The following SHANK2 variants were observed in gnomAD, a reference collection of about 807,000 sequenced individuals.
SHANK2 encodes SH3 and multiple ankyrin repeat domains protein 2.
Under a neutral mutation model 133.7 loss-of-function variants are expected in SHANK2, and 43 were observed. The ratio of observed to expected loss-of-function variants is 0.32; its 90% CI spans 0.25 to 0.41. The LOEUF (loss-of-function observed/expected upper bound fraction) is 0.41. Among genes scored for constraint, SHANK2 ranks in the 10% least tolerant of loss-of-function variants. The pLI, the probability that SHANK2 is intolerant of heterozygous loss-of-function variation, is 1.00. For missense variants in SHANK2, 1,994 were observed against 2,235.8 expected (o/e 0.89, Z 2.18); for synonymous variants, 1,017 against 952.8 (o/e 1.07, Z -1.24).
chr11:70,660,284 A>G lies in SHANK2; in HGVS notation c.1937-332T>C, dbSNP rs76264916. Among the ~76,000 whole-genome samples, 52 of 152,322 alleles carry G rather than the reference A, an allele frequency of 3.4e-4. No homozygotes were observed. The East Asian group carries it at 5.2e-3, about 15-fold the overall frequency. On this transcript the variant is annotated intron_variant, in intron 16 of 25. Transcript: ENST00000601538. ...GTGACTAAACATTTTCGGTTCTAAA[A>G]ATGGAAAAGTTCCTCCCCTGCCACA...
intron 17 of SHANK2, among the ~76,000 whole-genome samples, chr11:70,576,216 G>T (rs1554984196): frequency 6.6e-6 from 1 of 152,156 alleles, no homozygotes; most frequent in Non-Finnish European, 1.5e-5. Flanking sequence ...GGAAAGGAGA[G>T]GCTGGGGGTA....
intron 12 of SHANK2, among the ~76,000 whole-genome samples, chr11:70,809,687 A>C (rs1206060221): frequency 6.6e-6 from 1 of 152,088 alleles, no homozygotes; most frequent in East Asian, 1.9e-4. Flanking sequence ...GGGCCTGAAT[A>C]CTCAGTCTGT....
At chr11:70,837,222 A>G (rs1555060272) in intron 11 of SHANK2, among the ~76,000 whole-genome samples, 1 of 152,150 alleles carries the variant, frequency 6.6e-6, no homozygotes, top group Non-Finnish European at 1.5e-5. Context: ...CTGCCCCCTT[A>G]CAGGCCACTG....
intron 3 of SHANK2, 69 bp downstream of exon 3, chr11:71,147,051 G>C: frequency 1.5e-6 from 2 of 1,323,718 alleles, no homozygotes; most frequent in Non-Finnish European, 2.1e-6. Flanking sequence ...GACCAGAGCA[G>C]GCCTCTGGCG....
At chr11:71,166,749 C>T (rs1393479529) in intron 2 of SHANK2, among the ~76,000 whole-genome samples, 2 of 151,448 alleles carry the variant, frequency 1.3e-5, no homozygotes, top group Non-Finnish European at 2.9e-5. Context: ...TCCCAAAGTG[C>T]TGGGATTACA....
chr11:70,502,890 C>T lies in SHANK2; in HGVS notation c.2103G>A (p.Val701=). The T allele has an allele frequency of 1.2e-6, 2 of 1,614,122 alleles. No homozygotes were observed. The highest frequency in any genetic ancestry group is 1.1e-5 in the South Asian group (1 of 91,078). ...TCCCTCCCTGCCGGATCATGTTCAC[C>T]ACCTGCCTGTGGCCGACTTTGACAA... ...ENVVKVGHRQ[V]VNMIRQGGNH... Residue 701 remains valine, a synonymous_variant, in exon 18 of 26, where the codon GTG becomes GTA. Coordinates refer to ENST00000601538, the MANE Select transcript of SHANK2 (RefSeq NM_012309.5).
chr11:71,115,836 T>C (rs1191957665), intron 4 of SHANK2, among the ~76,000 whole-genome samples: 1 of 152,214 alleles, frequency 6.6e-6, no homozygotes, highest in Admixed American at 6.5e-5. Context: ...CTCTTCCTGG[T>C]CCATCACCTC....
chr11:70,775,898 C>G (rs542331657), intron 14 of SHANK2, among the ~76,000 whole-genome samples: 3 of 152,226 alleles, frequency 2.0e-5, no homozygotes, highest in African/African-American at 7.2e-5. Context: ...TTCAGAGGAG[C>G]CAAAAACAAC....
intron 14 of SHANK2, among the ~76,000 whole-genome samples, chr11:70,738,515 C>G (rs1395039835): frequency 6.6e-6 from 1 of 152,228 alleles, no homozygotes; most frequent in Non-Finnish European, 1.5e-5. Flanking sequence ...AGTGCATTCC[C>G]AGGGCCCATT....
chr11:70,922,976 C>T (rs552346292), intron 10 of SHANK2, among the ~76,000 whole-genome samples: 17 of 152,172 alleles, frequency 1.1e-4, no homozygotes, highest in South Asian at 1.0e-3. Flanking sequence ...AAAATCCACA[C>T]ATTTGTAACT....
At chr11:70,573,271 C>T (rs1327465357) in intron 17 of SHANK2, among the ~76,000 whole-genome samples, 5 of 37,012 alleles carry the variant, frequency 1.4e-4, no homozygotes, top group Non-Finnish European at 2.4e-4. Flanking sequence ...GTCACTGCAG[C>T]GGTGGGGGCG....
At chr11:71,069,489 A>G (rs1259062801) in intron 9 of SHANK2, among the ~76,000 whole-genome samples, 1 of 152,204 alleles carries the variant, frequency 6.6e-6, no homozygotes, top group Non-Finnish European at 1.5e-5. Flanking sequence ...CAGCAACAGT[A>G]TCATCACCAC....
At chr11:70,575,815 G>A (rs1480738804) in intron 17 of SHANK2, among the ~76,000 whole-genome samples, 1 of 151,958 alleles carries the variant, frequency 6.6e-6, no homozygotes, top group East Asian at 1.9e-4. Flanking sequence ...TGGCAAACTT[G>A]GGGGGCGTGG....
chr11:71,118,151 G>C (rs1247256691), intron 4 of SHANK2, among the ~76,000 whole-genome samples: 1 of 152,104 alleles, frequency 6.6e-6, no homozygotes, highest in Non-Finnish European at 1.5e-5. Flanking sequence ...CCATGGTCCT[G>C]GTTATGAAAG....
At chr11:70,715,380 C>A (rs1232735972) in intron 14 of SHANK2, among the ~76,000 whole-genome samples, 1 of 152,158 alleles carries the variant, frequency 6.6e-6, no homozygotes, top group Admixed American at 6.5e-5. Context: ...CCACCCTGGG[C>A]ACCCAGTGCC....
chr11:70,500,523 G>C lies in SHANK2; in HGVS notation c.2308+47C>G, dbSNP rs1555158152. The C allele has an allele frequency of 3.8e-6, 6 of 1,586,092 alleles. No homozygotes were observed. Among genetic ancestry groups the C allele is most frequent in the Non-Finnish European group, 4.3e-6 (5 of 1,165,592 alleles). On this transcript the variant is annotated intron_variant, in intron 21 of 25. Coordinates refer to ENST00000601538, the MANE Select transcript of SHANK2 (RefSeq NM_012309.5). The surrounding 1 kb of genome is among the most constrained non-coding windows in gnomAD (Gnocchi z 4.5). ...TCACAAAGGATGTTTCTGTTCCACA[G>C]GGGGGTGATGGGCAGGGGGCTGAGA...
chr11:70,508,799 G>A (rs2059164433), intron 17 of SHANK2, among the ~76,000 whole-genome samples: 1 of 152,204 alleles, frequency 6.6e-6, no homozygotes, highest in Non-Finnish European at 1.5e-5. Flanking sequence ...TGAGGCAGGA[G>A]GATCACCTGA....
intron 14 of SHANK2, among the ~76,000 whole-genome samples, chr11:70,721,414 T>C (rs1591786135): frequency 6.6e-6 from 1 of 152,320 alleles, no homozygotes; most frequent in Non-Finnish European, 1.5e-5. Flanking sequence ...GATGCCAACA[T>C]CTTGGGGCAG....
intron 25 of SHANK2, among the ~76,000 whole-genome samples, chr11:70,483,033 G>T (rs2058756691): frequency 6.6e-6 from 1 of 152,208 alleles, no homozygotes; most frequent in Admixed American, 6.5e-5. Flanking sequence ...GCTCAGGGGA[G>T]CACAGCTTGG....
Sources: gnomAD v4.1 joint callset for allele counts (sites outside exome capture counted in the v4.1 genomes callset) on GRCh38, gnomAD v4.1.1 for gene constraint, Gnocchi (gnomAD v3.1) non-coding constraint, MANE v1.5 for transcripts, NCBI Gene and HGNC (gene_info 2026-07-23, HGNC 2026-07-21) for gene names.